CLASP1: variants seen among roughly 807,000 people sequenced by gnomAD.
The protein encoded by CLASP1 is cytoplasmic linker associated protein 1.
A neutral mutation model predicts 192.3 loss-of-function variants in CLASP1; 38 were observed. The observed-to-expected ratio is 0.20, with a 90% CI of 0.15 to 0.26. The LOEUF is 0.26. Ranked by LOEUF, CLASP1 falls within the 10% of genes least tolerant of loss-of-function variation. The pLI, the probability that CLASP1 is intolerant of heterozygous loss-of-function variation, is 1.00. For synonymous variants in CLASP1, 691 were observed against 712.8 expected (o/e 0.97, Z 0.49); for missense variants, 1,433 against 1,932.5 (o/e 0.74, Z 4.85).
intron 37 of CLASP1, among the ~76,000 whole-genome samples, chr2:121,357,631 G>A (rs1410007483): frequency 1.3e-5 from 2 of 152,128 alleles, no homozygotes; most frequent in South Asian, 2.1e-4. Context: ...GTTCATCAGC[G>A]AGGCAGAACT....
At chr2:121,523,042 G>A (rs927389693) in intron 6 of CLASP1, among the ~76,000 whole-genome samples, 3 of 152,174 alleles carry the variant, frequency 2.0e-5, no homozygotes, top group Admixed American at 6.5e-5. Context: ...AAGGATTGAG[G>A]GGTGAGGCAC....
At chr2:121,478,891 A>ACACACAC in intron 8 of CLASP1, among the ~76,000 whole-genome samples, 1 of 62,424 alleles carries the variant, frequency 1.6e-5, no homozygotes, top group Non-Finnish European at 3.1e-5. Flanking sequence ...CACACACCAC[A>ACACACAC]CACACACACC....
chr2:121,440,793 A>AG (rs1199366019), intron 19 of CLASP1, among the ~76,000 whole-genome samples: 3 of 151,492 alleles, frequency 2.0e-5, no homozygotes, highest in Admixed American at 1.3e-4. Context: ...ATGTGAAGGG[A>AG]GAAAAAAAAG....
chr2:121,531,991 A>G (rs938389728), intron 2 of CLASP1, among the ~76,000 whole-genome samples: 18 of 152,236 alleles, frequency 1.2e-4, no homozygotes, highest in African/African-American at 4.1e-4. Flanking sequence ...CATGCTTCCA[A>G]CACAAAGCCG....
At chr2:121,503,472 C>T (rs543694478) in intron 7 of CLASP1, among the ~76,000 whole-genome samples, 5 of 152,282 alleles carry the variant, frequency 3.3e-5, no homozygotes, top group African/African-American at 9.6e-5. Flanking sequence ...ATTTAATCTC[C>T]TTGAGGTGAC....
At chr2:121,574,202 C>T (rs1427230679) in intron 2 of CLASP1, among the ~76,000 whole-genome samples, 1 of 151,992 alleles carries the variant, frequency 6.6e-6, no homozygotes, top group African/African-American at 2.4e-5. Flanking sequence ...TTGGCGGGTG[C>T]CTATAGTCCC....
intron 26 of CLASP1, 97 bp from the exon 28 acceptor site, chr2:121,401,967 A>G (rs1393723583): frequency 1.9e-5 from 10 of 519,330 alleles, no homozygotes; most frequent in Non-Finnish European, 3.4e-5. Context: ...TTTTTTAAGA[A>G]AACCTGAAAA....
At chr2:121,553,834 T>C (rs1457597886) in intron 2 of CLASP1, among the ~76,000 whole-genome samples, 2 of 152,204 alleles carry the variant, frequency 1.3e-5, no homozygotes, top group Non-Finnish European at 2.9e-5. Flanking sequence ...GCAGTATTAT[T>C]CATAATGGCA....
At chr2:121,584,066 C>T (rs2061477125) in intron 2 of CLASP1, among the ~76,000 whole-genome samples, 1 of 152,056 alleles carries the variant, frequency 6.6e-6, no homozygotes, top group Non-Finnish European at 1.5e-5. Context: ...CCTACCAGCA[C>T]CTTGACCTTA....
chr2:121,438,708 G>T (rs866854808), intron 19 of CLASP1, among the ~76,000 whole-genome samples: 1 of 152,034 alleles, frequency 6.6e-6, no homozygotes, highest in Non-Finnish European at 1.5e-5. Context: ...TAAGCTTTTC[G>T]ATGTGCTGCT....
chr2:121,574,082 A>G (rs561361953), intron 2 of CLASP1, among the ~76,000 whole-genome samples: 134 of 152,320 alleles, frequency 8.8e-4, no homozygotes, highest in African/African-American at 2.9e-3. Flanking sequence ...ATTCTTAAAA[A>G]TCACTGATGG....
chr2:121,489,947 T>C (rs1047915180), intron 8 of CLASP1, among the ~76,000 whole-genome samples: 2 of 152,190 alleles, frequency 1.3e-5, no homozygotes, highest in Non-Finnish European at 2.9e-5. Flanking sequence ...CAATTGCAAA[T>C]AGATTTATGT....
chr2:121,598,754 G>A (rs2063429140), intron 2 of CLASP1, among the ~76,000 whole-genome samples: 1 of 152,160 alleles, frequency 6.6e-6, no homozygotes, highest in African/African-American at 2.4e-5. Flanking sequence ...ACTAAGTAAG[G>A]AATAAATGGT....
intron 1 of CLASP1, among the ~76,000 whole-genome samples, chr2:121,627,078 T>C (rs1408293923): frequency 6.6e-6 from 1 of 151,924 alleles, no homozygotes; most frequent in East Asian, 1.9e-4. Context: ...ATCCCATAGA[T>C]GCCAATGGCA....
At chr2:121,482,138 T>C (rs1293438920) in intron 8 of CLASP1, among the ~76,000 whole-genome samples, 2 of 152,214 alleles carry the variant, frequency 1.3e-5, no homozygotes, top group Non-Finnish European at 2.9e-5. Context: ...AGGAATACCC[T>C]GGGCTACCAT....
chr2:121,435,996 T>C (rs1262295889), intron 19 of CLASP1, among the ~76,000 whole-genome samples: 1 of 152,168 alleles, frequency 6.6e-6, no homozygotes, highest in African/African-American at 2.4e-5. Context: ...TTTCTTTTTC[T>C]AGTGGCTTCT....
chr2:121,470,114 A>G (rs185536001), intron 8 of CLASP1, 154 bp from the exon 9 acceptor site: 2 of 692,810 alleles, frequency 2.9e-6, no homozygotes. Context: ...GGGTCTGGAA[A>G]GCCTTAGGTT....
At chr2:121,548,239 C>T (rs1423863134) in intron 2 of CLASP1, among the ~76,000 whole-genome samples, 1 of 152,138 alleles carries the variant, frequency 6.6e-6, no homozygotes, top group East Asian at 1.9e-4. Flanking sequence ...TCTGACAGAG[C>T]TGAATAACAC....
intron 30 of CLASP1, among the ~76,000 whole-genome samples, chr2:121,389,182 C>A (rs1404574375): frequency 6.6e-6 from 1 of 152,022 alleles, no homozygotes; most frequent in Non-Finnish European, 1.5e-5. Flanking sequence ...CAGTATTGGG[C>A]AAAAGTACAT....
Sources: allele counts gnomAD v4.1 joint callset (sites outside exome capture counted in the v4.1 genomes callset), GRCh38; gene constraint gnomAD v4.1.1; transcripts MANE v1.5; gene names NCBI Gene and HGNC (gene_info 2026-07-23, HGNC 2026-07-21).